Variants in SORL1 observed in about 807,000 individuals in gnomAD.
SORL1 encodes sortilin-related receptor.
SORL1 carries 127 observed loss-of-function variants against 273.7 expected under a neutral mutation model. The observed-to-expected ratio is 0.46, with a 90% CI of 0.40 to 0.54. The LOEUF (loss-of-function observed/expected upper bound fraction) is 0.54. Ranked by LOEUF, SORL1 falls within the 20% of genes least tolerant of loss-of-function variation. The pLI is 0.00. For synonymous variants in SORL1, 1,031 were observed against 1,067.4 expected, an observed-to-expected ratio of 0.97 and a Z score of 0.66; for missense variants, 2,494 against 2,846.1, an observed-to-expected ratio of 0.88 and a Z score of 2.81.
intron 12 of SORL1, among the ~76,000 whole-genome samples, 197 bp downstream of exon 12, chr11:121,532,749 G>A (rs950850117): frequency 9.3e-5 from 14 of 150,720 alleles, no homozygotes; most frequent in South Asian, 6.3e-4. Context: ...ACAATGGTGC[G>A]ATCTCAGCTC....
At chr11:121,551,872 C>T (rs1862512356) in intron 16 of SORL1, among the ~76,000 whole-genome samples, 1 of 152,190 alleles carries the variant, frequency 6.6e-6, no homozygotes, top group Non-Finnish European at 1.5e-5. Context: ...AACAAATGAG[C>T]AGATAATATT....
Position 121,452,446 on chromosome 11 carries a change from A to G in SORL1, c.115A>G (p.Ser39Gly), listed in dbSNP as rs771624504. 2.7e-6 allele frequency: 4 copies of G among 1,498,448 alleles called. No homozygotes were observed. 92.8% of individuals were successfully genotyped at this position (1,498,448 alleles called of 1,614,324 possible). The change falls in exon 1 of 48, where the codon AGC (serine) becomes GGC (glycine). Residue 39 changes from serine to glycine, a missense_variant. By Grantham distance (56) the Ser-to-Gly change is moderately conservative. This residue lies in a region of SORL1 where 175 missense variants were observed against 147.1 expected (regional missense o/e 1.19). Coordinates refer to ENST00000260197, the MANE Select transcript of SORL1 (RefSeq NM_003105.6). This position sits in a 1 kb window ranked among gnomAD's most constrained non-coding sequence, Gnocchi z 5.3. ...CTGGACGCAGAGGCTGCACGGCGGC[A>G]GCGCGCCCTTGCCCCAGGACCGGGG... Reference protein sequence around the residue: ...EVWTQRLHGGSAPLPQDRGFL... With the variant: ...EVWTQRLHGGGAPLPQDRGFL...
intron 11 of SORL1, among the ~76,000 whole-genome samples, chr11:121,528,722 G>A (rs995212500): frequency 6.6e-6 from 1 of 152,146 alleles, no homozygotes; most frequent in Non-Finnish European, 1.5e-5. Flanking sequence ...CCTATAGTCA[G>A]AGAAGACACT....
At chr11:121,560,862 T>G (rs1862661693) in intron 21 of SORL1, among the ~76,000 whole-genome samples, 1 of 152,216 alleles carries the variant, frequency 6.6e-6, no homozygotes, top group African/African-American at 2.4e-5. Flanking sequence ...AGATATGAAT[T>G]AGCTTTCCCA....
At position 121,520,725 on chromosome 11, in the gene SORL1, C is replaced by T; in HGVS notation, c.1280C>T (p.Thr427Ile). The change falls in exon 9 of 48, where the codon ACT (threonine) becomes ATT (isoleucine). Residue 427 changes from threonine (T) to isoleucine (I), a missense_variant. By Grantham distance (89) the Thr-to-Ile change is moderately conservative (BLOSUM62 -1). Transcript: ENST00000260197. ...GGATTGCAAGGAGTCTACATTGCTA[C>T]TCTGATTAATGGTTCTATGAATGAG... is the stretch of plus-strand genomic sequence containing the variant. Reference protein sequence around the residue: ...VEGLQGVYIATLINGSMNEEN... With the variant: ...VEGLQGVYIAILINGSMNEEN... 6.2e-7 allele frequency: 1 copy of T among 1,611,660 alleles called. No individual in the cohort carries two copies. Among genetic ancestry groups the T allele is most frequent in the Non-Finnish European group, 8.5e-7 (1 of 1,178,912 alleles).
chr11:121,611,241 AAAAAAACAAAAAAC>A, intron 39 of SORL1, 83 bp downstream of exon 39: 2 of 974,088 alleles, frequency 2.1e-6, no homozygotes, highest in Non-Finnish European at 3.1e-6. Flanking sequence ...GTAAGACTGG[AAAAAAACAAAAAAC>A]AAAAAACAAA....
intron 24 of SORL1, among the ~76,000 whole-genome samples, chr11:121,575,486 G>A (rs1056642632): frequency 1.3e-5 from 2 of 152,268 alleles, no homozygotes. Context: ...CAGCCACGCT[G>A]TGCTTACGCA....
At chr11:121,555,703 G>A (rs1186055754) in intron 18 of SORL1, among the ~76,000 whole-genome samples, 5 of 151,874 alleles carry the variant, frequency 3.3e-5, no homozygotes, top group Admixed American at 1.3e-4. Context: ...AACAATAATC[G>A]TCTAGTATTA....
At chr11:121,580,752 G>A (rs1001336927) in intron 25 of SORL1, among the ~76,000 whole-genome samples, 3 of 151,582 alleles carry the variant, frequency 2.0e-5, no homozygotes, top group African/African-American at 7.3e-5. Context: ...CTACAGACAT[G>A]TGCCATCATG....
chr11:121,507,266 C>A (rs1861802887), intron 6 of SORL1, among the ~76,000 whole-genome samples: 1 of 152,128 alleles, frequency 6.6e-6, no homozygotes, highest in Non-Finnish European at 1.5e-5. Flanking sequence ...GTATGGGTCT[C>A]TGAGTTTATC....
chr11:121,612,625 T>G, intron 39 of SORL1, 111 bp from the exon 40 acceptor site: 454 of 746,488 alleles, frequency 6.1e-4, no homozygotes, highest in Non-Finnish European at 8.5e-4. Context: ...ACTGTAAGAA[T>G]GAGATACCCA....
At chr11:121,604,520 G>A (rs1406100642) in intron 33 of SORL1, among the ~76,000 whole-genome samples, 196 bp downstream of exon 33, 1 of 151,814 alleles carries the variant, frequency 6.6e-6, no homozygotes, top group African/African-American at 2.4e-5. Flanking sequence ...ACATGCAGCT[G>A]TCTCCTCCCT....
intron 6 of SORL1, among the ~76,000 whole-genome samples, chr11:121,503,794 A>G (rs1456252466): frequency 6.6e-6 from 1 of 152,192 alleles, no homozygotes; most frequent in Non-Finnish European, 1.5e-5. Flanking sequence ...TAGTTCTCTA[A>G]TAAGTTTTGA....
At chr11:121,454,305 T>C (rs1860865496) in intron 1 of SORL1, among the ~76,000 whole-genome samples, 1 of 152,224 alleles carries the variant, frequency 6.6e-6, no homozygotes, top group African/African-American at 2.4e-5. Flanking sequence ...AGACAATCCC[T>C]CCCAGTGCTC....
intron 1 of SORL1, among the ~76,000 whole-genome samples, chr11:121,459,012 C>T (rs577321265): frequency 6.6e-6 from 1 of 152,322 alleles, no homozygotes; most frequent in South Asian, 2.1e-4. Context: ...GCCCATAGCA[C>T]TGCTACTAGC....
intron 20 of SORL1, among the ~76,000 whole-genome samples, chr11:121,559,273 G>T (rs1862637511): frequency 6.6e-6 from 1 of 152,174 alleles, no homozygotes; most frequent in Non-Finnish European, 1.5e-5. Context: ...AAACTGAGGG[G>T]GTTGGGTTTG....
intron 1 of SORL1, among the ~76,000 whole-genome samples, chr11:121,459,172 G>A (rs546573350): frequency 6.6e-6 from 1 of 152,330 alleles, no homozygotes; most frequent in Admixed American, 6.5e-5. Flanking sequence ...GGTGAAATGT[G>A]GCAAGTGTGA....
At chr11:121,618,387 C>T (rs151137653) in intron 41 of SORL1, among the ~76,000 whole-genome samples, 3 of 152,310 alleles carry the variant, frequency 2.0e-5, no homozygotes, top group Non-Finnish European at 2.9e-5. Context: ...TTGGAGCCCA[C>T]GTCTGTGCTG....
At position 121,550,727 on chromosome 11, in the gene SORL1, C is replaced by A; in HGVS notation, c.2266+57C>A. 7.2e-7 allele frequency: 1 copy of A among 1,391,252 alleles called. No homozygotes were observed. Among genetic ancestry groups the A allele is most frequent in the Non-Finnish European group, 1.0e-6 (1 of 991,606 alleles). 86.2% of individuals were successfully genotyped at this position (1,391,252 alleles called of 1,614,324 possible). ...TTGAGACATGGTTGAAGCAGTATCA[C>A]GATCTCACCCAAGTCCGGGCTTGTG... On this transcript the variant is annotated intron_variant, in intron 16 of 47. Coordinates refer to ENST00000260197, the MANE Select transcript of SORL1 (RefSeq NM_003105.6). This position sits in a 1 kb window ranked among gnomAD's most constrained non-coding sequence, Gnocchi z 5.3.
Sources: allele counts gnomAD v4.1 joint callset (sites outside exome capture counted in the v4.1 genomes callset), GRCh38; gene constraint gnomAD v4.1.1; regional missense constraint gnomAD v4.1.1; non-coding constraint Gnocchi (gnomAD v3.1); transcripts MANE v1.5; gene names NCBI Gene and HGNC (gene_info 2026-07-23, HGNC 2026-07-21).